The following POLE4 variants were observed in gnomAD, a reference collection of about 807,000 sequenced individuals.
The protein encoded by POLE4 is DNA polymerase epsilon subunit 4.
A neutral mutation model predicts 15.6 loss-of-function variants in POLE4; 15 were observed. That is an observed-to-expected ratio of 0.96 (90% CI 0.64 to 1.48). The LOEUF is 1.48. POLE4 is among the 40% of genes most tolerant of loss of function. POLE4 has a pLI of 0.00. For missense variants in POLE4, 205 were observed against 151.9 expected (o/e 1.35, Z -1.84); for synonymous variants, 83 against 63.2 (o/e 1.31, Z -1.49).
rs144200621 is a variant in POLE4, at chr2:74,959,382, C to T, written c.255C>T (p.Cys85=). 125 of 1,613,634 alleles carry T rather than the reference C, an allele frequency of 7.7e-5. No individual in the cohort carries two copies. The highest frequency in any genetic ancestry group is 2.7e-4 in the South Asian group (25 of 91,078). The change falls in exon 2 of 4, where the codon TGC becomes TGT. Residue 85 remains cysteine, a synonymous_variant. Transcript: ENST00000483063. ...CCATTGCAAAAGATGCCTACTGTTG[C>T]GCTCAGCAGGGAAAAAGGAAAACCC... The part of the protein sequence containing the change: ...VETIAKDAYC[C]AQQGKRKTLQ...
Position 74,969,570 on chromosome 2 carries a change from C to A in POLE4, c.*148C>A. ...CCTATGCCGGGATAAGCAGAGATCT[C>A]ATCAATTAGCTCTTCTCTGCAAGGT... On this transcript the variant is annotated 3_prime_UTR_variant, in exon 4 of 4. Transcript: ENST00000483063. 1 of 764,212 alleles carries A rather than the reference C, an allele frequency of 1.3e-6. No homozygotes were observed. Among genetic ancestry groups the A allele is most frequent in the Non-Finnish European group, 2.4e-6 (1 of 423,870 alleles). 47.3% of individuals were successfully genotyped at this position (764,212 alleles called of 1,614,324 possible).
intron 3 of POLE4, among the ~76,000 whole-genome samples, chr2:74,963,456 CT>C (rs1254270780): frequency 6.6e-6 from 1 of 151,780 alleles, no homozygotes; most frequent in Non-Finnish European, 1.5e-5. Context: ...TATTTTTGTC[CT>C]TTTTCTTATT....
At chr2:74,960,582 A>G (rs1251111703) in intron 3 of POLE4, 3 of 502,208 alleles carry the variant, frequency 6.0e-6, no homozygotes, top group Non-Finnish European at 1.2e-5. Flanking sequence ...ACTTGTCTGT[A>G]TTTTTAGGAG....
Position 74,959,325 on chromosome 2 carries a change from C to A in POLE4, c.214-16C>A, listed in dbSNP as rs1671179836. The A allele has an allele frequency of 6.2e-7, 1 of 1,600,664 alleles. No homozygotes were observed. The highest frequency in any genetic ancestry group is 1.1e-5 in the South Asian group (1 of 90,594). On this transcript the variant is annotated splice_polypyrimidine_tract_variant and intron_variant, in intron 1 of 3. Coordinates refer to ENST00000483063, the MANE Select transcript of POLE4 (RefSeq NM_019896.4). ...GTTAGAACCCATTACTAAAACTTTGCTTTTTTACTTCACAGGAACTGTTTG... is the reference window on the plus strand; with the variant it reads ...GTTAGAACCCATTACTAAAACTTTGATTTTTTACTTCACAGGAACTGTTTG...
chr2:74,966,184 C>T (rs1573429350), intron 3 of POLE4, among the ~76,000 whole-genome samples: 1 of 151,696 alleles, frequency 6.6e-6, no homozygotes, highest in Non-Finnish European at 1.5e-5. Flanking sequence ...CTTAATTTAT[C>T]AAAGCCTATT....
chr2:74,968,418 CTG>C (rs59795279), intron 3 of POLE4, among the ~76,000 whole-genome samples: 4 of 151,404 alleles, frequency 2.6e-5, no homozygotes, highest in South Asian at 2.1e-4. Context: ...TGTTTGGTAA[CTG>C]TGTGTGTGTG....
intron 1 of POLE4, 189 bp downstream of exon 1, chr2:74,959,081 G>A (rs1354016094): frequency 1.6e-6 from 1 of 619,922 alleles, no homozygotes; most frequent in Non-Finnish European, 2.8e-6. Context: ...CTCTTGTTGA[G>A]GACCTGGATA....
chr2:74,960,175 TC>T (rs1397692443), intron 3 of POLE4, 29 bp downstream of exon 3: 1 of 1,584,354 alleles, frequency 6.3e-7, no homozygotes, highest in South Asian at 1.1e-5. Context: ...GGCAATCATT[TC>T]CGCCTGTCTT....
chr2:74,959,510 G>A, intron 2 of POLE4, 85 bp downstream of exon 2: 1 of 820,514 alleles, frequency 1.2e-6, no homozygotes, highest in Non-Finnish European at 2.0e-6. Context: ...ACGTCACTCT[G>A]ATCTGAGAGG....
At chr2:74,959,958 A>C (rs777871189) in intron 2 of POLE4, 147 bp from the exon 3 acceptor site, 1 of 675,904 alleles carries the variant, frequency 1.5e-6, no homozygotes, top group Non-Finnish European at 2.7e-6. Context: ...GGTAGAGTAG[A>C]TATGGATCTC....
chr2:74,968,688 A>G (rs1573430403), intron 3 of POLE4, among the ~76,000 whole-genome samples: 1 of 142,218 alleles, frequency 7.0e-6, no homozygotes, highest in South Asian at 2.2e-4. Context: ...GCCTGTGGGG[A>G]GGGTTGTGGG....
chr2:74,961,512 C>T (rs974598232), intron 3 of POLE4: 6 of 152,146 alleles, frequency 3.9e-5, no homozygotes, highest in African/African-American at 1.4e-4. Flanking sequence ...GCCTACTTTA[C>T]CTCTTCATTT....
Position 74,969,776 on chromosome 2 carries a change from C to T in POLE4, c.*354C>T, listed in dbSNP as rs1558829879. ...TCTCGCCTTTGTTCCTACCCTGTGA[C>T]TGGAGAGTCACCATACCTGGTCACA... On this transcript the variant is annotated 3_prime_UTR_variant, in exon 4 of 4. Transcript: ENST00000483063. The T allele has an allele frequency of 4.3e-6, 1 of 234,684 alleles. No homozygotes were observed. The allele number at this position is 234,684 out of a possible 1,614,324, so 14.5% of individuals were successfully genotyped here. A position where few individuals can be genotyped will look rare whatever the true frequency, so the allele number is the denominator to read the frequency against.
intron 3 of POLE4, among the ~76,000 whole-genome samples, chr2:74,967,367 A>T (rs1671311779): frequency 7.0e-6 from 1 of 142,164 alleles, no homozygotes; most frequent in South Asian, 2.2e-4. Context: ...CAGTACTGTG[A>T]GTTCTGTTTG....
intron 3 of POLE4, among the ~76,000 whole-genome samples, chr2:74,963,473 A>AT (rs1197200432): frequency 6.6e-6 from 1 of 151,750 alleles, no homozygotes; most frequent in Non-Finnish European, 1.5e-5. Flanking sequence ...TTATTGACTT[A>AT]TAAAAATGCT....
In POLE4 at chr2:74,968,386, T is replaced by C. The variant is rs141760726; in HGVS notation, c.341-1023T>C. Among the ~76,000 whole-genome samples the C allele has an allele frequency of 1.2e-3, 180 of 152,268 alleles. 1 individual carries two copies. The highest frequency in any genetic ancestry group is 6.8e-3 in the Middle Eastern group (2 of 294). On this transcript the variant is annotated intron_variant, in intron 3 of 3. Coordinates refer to ENST00000483063, the MANE Select transcript of POLE4 (RefSeq NM_019896.4). Reference sequence around the variant, plus strand: ...CAGATACCTGGTGATTTTCATTCTATTTAAGAATAAGGGAATAAGGCTGTT... The same window carrying C: ...CAGATACCTGGTGATTTTCATTCTACTTAAGAATAAGGGAATAAGGCTGTT...
chr2:74,958,875 A>T lies in POLE4; in HGVS notation c.196A>T (p.Ile66Phe). The T allele has an allele frequency of 6.4e-7, 1 of 1,557,668 alleles. No individual in the cohort carries two copies. The highest frequency in any genetic ancestry group is 8.7e-7 in the Non-Finnish European group (1 of 1,150,602). The change falls in exon 1 of 4, where the codon ATT (isoleucine) becomes TTT (phenylalanine). Residue 66 changes from isoleucine (I) to phenylalanine (F), a missense_variant. Physicochemically the swap from Ile to Phe is conservative, Grantham distance 21. Transcript: ENST00000483063. Reference protein sequence around the residue: ...VTLAGQEAIFILARAAELFVE... With the variant: ...VTLAGQEAIFFLARAAELFVE... ...GCTAGCGGGACAGGAAGCCATCTTCATTCTGGCACGAGCCGCGGTGCGCCT... is the reference window on the plus strand; with the variant it reads ...GCTAGCGGGACAGGAAGCCATCTTCTTTCTGGCACGAGCCGCGGTGCGCCT...
In POLE4 at chr2:74,958,784, G is replaced by A; in HGVS notation, c.105G>A (p.Gly35=). 8 of 1,551,262 alleles carry A rather than the reference G, an allele frequency of 5.2e-6. No individual in the cohort carries two copies. The highest frequency in any genetic ancestry group is 2.4e-5 in the South Asian group (2 of 84,104). Residue 35 remains glycine, a synonymous_variant, in exon 1 of 4, where the codon GGG becomes GGA. Transcript: ENST00000483063. ...CCCAGGCCCCAACGAGTGTGCCTGG[G>A]GCTCGTCTCTCGAGGTTGCCTCTGG... The part of the protein sequence containing the change: ...SQPQAPTSVP[G]ARLSRLPLAR...
chr2:74,969,750 A>C lies in POLE4; in HGVS notation c.*328A>C. On this transcript the variant is annotated 3_prime_UTR_variant, in exon 4 of 4. Coordinates refer to ENST00000483063, the MANE Select transcript of POLE4 (RefSeq NM_019896.4). ...CAACCTCAGTCCAGTGTGTTTTATA[A>C]TCTCGCCTTTGTTCCTACCCTGTGA... 1 of 305,924 alleles carries C rather than the reference A, an allele frequency of 3.3e-6. No individual in the cohort carries two copies. The highest frequency in any genetic ancestry group is 5.4e-5 in the East Asian group (1 of 18,352). The allele number at this position is 305,924 out of a possible 1,614,324, so 19.0% of individuals were successfully genotyped here. A position where few individuals can be genotyped will look rare whatever the true frequency, so the allele number is the denominator to read the frequency against.
Sources: gnomAD v4.1 joint callset for allele counts (sites outside exome capture counted in the v4.1 genomes callset) on GRCh38, gnomAD v4.1.1 for gene constraint, MANE v1.5 for transcripts, NCBI Gene and HGNC (gene_info 2026-07-23, HGNC 2026-07-21) for gene names.